Variants in SV2B observed in about 807,000 individuals in gnomAD.
SV2B encodes solute carrier family 22 member B2.
Under a neutral mutation model 73.9 loss-of-function variants are expected in SV2B, and 41 were observed. That is an observed-to-expected ratio of 0.56 (90% CI 0.43 to 0.72). The LOEUF (loss-of-function observed/expected upper bound fraction) is 0.72. SV2B is among the 30% of genes least tolerant of loss of function. The pLI is 0.00. For missense variants in SV2B, 764 were observed against 857.8 expected, an observed-to-expected ratio of 0.89 and a Z score of 1.37; for synonymous variants, 314 against 314.2, an observed-to-expected ratio of 1.00 and a Z score of 0.01.
In SV2B at chr15:91,242,768, C is replaced by T. The variant is rs2047071931; in HGVS notation, c.452-9051C>T. On this transcript the variant is annotated intron_variant, in intron 2 of 12. Transcript: ENST00000394232. This position sits in a 1 kb window ranked among gnomAD's most constrained non-coding sequence, Gnocchi z 4.9. ...CCTATTATTTTTTTAAATACGAATA[C>T]TCACTTTCTGAACATGCTATTAAAG... 2.0e-5 allele frequency among the ~76,000 whole-genome samples: 3 copies of T among 152,156 alleles called. No individual in the cohort carries two copies. The highest frequency in any genetic ancestry group is 1.3e-4 in the Admixed American group (2 of 15,280).
intron 1 of SV2B, among the ~76,000 whole-genome samples, chr15:91,157,271 T>G (rs926196771): frequency 6.6e-6 from 1 of 152,162 alleles, no homozygotes; most frequent in African/African-American, 2.4e-5. Flanking sequence ...CTGTCTTAGA[T>G]AATCTCTGTG....
At chr15:91,276,582 G>T (rs896938743) in intron 9 of SV2B, among the ~76,000 whole-genome samples, 1 of 151,648 alleles carries the variant, frequency 6.6e-6, no homozygotes, top group Non-Finnish European at 1.5e-5. Flanking sequence ...TTTTTGCCAT[G>T]ATGAGCCTAA....
At chr15:91,104,095 C>T (rs1237856212) in intron 1 of SV2B, among the ~76,000 whole-genome samples, 1 of 152,222 alleles carries the variant, frequency 6.6e-6, no homozygotes, top group East Asian at 1.9e-4. Flanking sequence ...TTAGGGCCAA[C>T]CTTGCCAACG....
chr15:91,225,246 G>A (rs1190087121), intron 1 of SV2B, among the ~76,000 whole-genome samples: 1 of 152,174 alleles, frequency 6.6e-6, no homozygotes, highest in East Asian at 1.9e-4. Context: ...AGGACAGAGT[G>A]GCCTTTGAAC....
chr15:91,112,724 T>C lies in SV2B; in HGVS notation c.-392+12361T>C, dbSNP rs547793635. The stretch of plus-strand genomic sequence containing the variant: ...TTCTCTTTTTCCTCATCATTTTGGA[T>C]ACATTAAAGACATATTACAGACCAT... On this transcript the variant is annotated intron_variant, in intron 1 of 12. Transcript: ENST00000394232. 4.6e-5 allele frequency among the ~76,000 whole-genome samples: 7 copies of C among 152,338 alleles called. No individual in the cohort carries two copies. In the South Asian group the frequency reaches 1.2e-3, roughly 27 times the overall value.
intron 9 of SV2B, among the ~76,000 whole-genome samples, chr15:91,269,227 G>T (rs145191560): frequency 6.6e-6 from 1 of 152,034 alleles, no homozygotes; most frequent in African/African-American, 2.4e-5. Flanking sequence ...TGGGCCATCC[G>T]CCCTGTTGTG....
chr15:91,204,172 T>C (rs1370998839), intron 1 of SV2B, among the ~76,000 whole-genome samples: 9 of 152,198 alleles, frequency 5.9e-5, no homozygotes, highest in African/African-American at 2.2e-4. Context: ...CCTCTGACCC[T>C]GCTATGTCCA....
chr15:91,291,188 G>GT (rs553445116), intron 12 of SV2B, among the ~76,000 whole-genome samples: 2 of 150,210 alleles, frequency 1.3e-5, no homozygotes, highest in Non-Finnish European at 3.0e-5. Context: ...TTTTTATTTA[G>GT]TTTTTTTTCT....
At chr15:91,176,950 A>T (rs1440103258) in intron 1 of SV2B, among the ~76,000 whole-genome samples, 1 of 152,106 alleles carries the variant, frequency 6.6e-6, no homozygotes, top group Admixed American at 6.6e-5. Context: ...GGCATTTTAG[A>T]CATGAAGTCC....
At chr15:91,181,951 A>G (rs1027108926) in intron 1 of SV2B, among the ~76,000 whole-genome samples, 1 of 152,144 alleles carries the variant, frequency 6.6e-6, no homozygotes, top group Admixed American at 6.5e-5. Flanking sequence ...ACATATATGT[A>G]TATATGTATT....
At chr15:91,161,009 C>A (rs556924398) in intron 1 of SV2B, among the ~76,000 whole-genome samples, 1 of 142,406 alleles carries the variant, frequency 7.0e-6, no homozygotes, top group South Asian at 2.5e-4. Flanking sequence ...TGCGTGCAGC[C>A]CCACGGATTA....
Position 91,129,632 on chromosome 15 carries a change from G to A in SV2B, c.-392+29269G>A, listed in dbSNP as rs1228339557. On this transcript the variant is annotated intron_variant, in intron 1 of 12. Transcript: ENST00000394232. This position sits in a 1 kb window ranked among gnomAD's most constrained non-coding sequence, Gnocchi z 5.1. ...TGGTTGCCTCCAGATGGCTTTAGGG[G>A]CCATGCAGAGGGCAGTGGTAGGTAT... 6.6e-6 allele frequency among the ~76,000 whole-genome samples: 1 copy of A among 152,226 alleles called. No individual in the cohort carries two copies. Among genetic ancestry groups the A allele is most frequent in the Non-Finnish European group, 1.5e-5 (1 of 68,046 alleles).
At chr15:91,264,626 C>A (rs1023366315) in intron 6 of SV2B, among the ~76,000 whole-genome samples, 1 of 152,166 alleles carries the variant, frequency 6.6e-6, no homozygotes, top group South Asian at 2.1e-4. Context: ...ATTAGAGCCA[C>A]CTCCGTTGAG....
chr15:91,195,861 C>G (rs1019864253), intron 1 of SV2B, among the ~76,000 whole-genome samples: 16 of 152,152 alleles, frequency 1.1e-4, no homozygotes, highest in Non-Finnish European at 2.4e-4. Flanking sequence ...GCATAATTGC[C>G]ATCAGTGTGT....
In SV2B at chr15:91,283,980, C is replaced by A; in HGVS notation, c.1508-41C>A. On this transcript the variant is annotated intron_variant, in intron 10 of 12. Transcript: ENST00000394232. This position sits in a 1 kb window ranked among gnomAD's most constrained non-coding sequence, Gnocchi z 4.3. ...GCCTCTGCCTTTCTCTCTCCAGCTC[C>A]CTTCCACTTACATGAACCGAAGGTT... The A allele has an allele frequency of 6.2e-7, 1 of 1,606,378 alleles. No individual in the cohort carries two copies. The highest frequency in any genetic ancestry group is 1.1e-5 in the South Asian group (1 of 90,792).
rs749424990 is a variant in SV2B, at chr15:91,266,562, A to G, written c.1009-20A>G. On this transcript the variant is annotated intron_variant, in intron 6 of 12. Transcript: ENST00000394232. ...ACAAAGTGGGGTTCAAATTCTCTAT[A>G]TCCTATTTTTACTTTTCAGGTTTCC... 4 of 1,586,044 alleles carry G rather than the reference A, an allele frequency of 2.5e-6. No individual in the cohort carries two copies.
intron 6 of SV2B, among the ~76,000 whole-genome samples, chr15:91,263,783 A>AATT (rs2048010429): frequency 6.6e-6 from 1 of 152,176 alleles, no homozygotes; most frequent in African/African-American, 2.4e-5. Flanking sequence ...TGAACAGAGG[A>AATT]ATTACATCGC....
At chr15:91,219,394 C>T (rs1223960739) in intron 1 of SV2B, among the ~76,000 whole-genome samples, 1 of 152,050 alleles carries the variant, frequency 6.6e-6, no homozygotes, top group Non-Finnish European at 1.5e-5. Context: ...GCTCTTGGTC[C>T]CTCATGCAAA....
At chr15:91,133,281 G>A (rs16945251) in intron 1 of SV2B, among the ~76,000 whole-genome samples, 4,157 of 152,240 alleles carry the variant, frequency 0.027, 190 homozygotes, top group African/African-American at 0.094. Flanking sequence ...GCACTAGGAA[G>A]CAAAGGGTTT....
Sources: allele counts gnomAD v4.1 joint callset (sites outside exome capture counted in the v4.1 genomes callset), GRCh38; gene constraint gnomAD v4.1.1; non-coding constraint Gnocchi (gnomAD v3.1); transcripts MANE v1.5; gene names NCBI Gene and HGNC (gene_info 2026-07-23, HGNC 2026-07-21).